The following PPP1R26 variants were observed in gnomAD, a reference collection of about 807,000 sequenced individuals.
PPP1R26 encodes protein phosphatase 1 regulatory subunit 26.
Under a neutral mutation model 67.6 loss-of-function variants are expected in PPP1R26, and 22 were observed. The observed-to-expected ratio is 0.33, with a 90% CI of 0.23 to 0.46. The LOEUF (loss-of-function observed/expected upper bound fraction) is 0.46. Among genes scored for constraint, PPP1R26 ranks in the 20% least tolerant of loss-of-function variants. The pLI, the probability that PPP1R26 is intolerant of heterozygous loss-of-function variation, is 1.00. For synonymous variants in PPP1R26, 729 were observed against 717.2 expected, an observed-to-expected ratio of 1.02 and a Z score of -0.26; for missense variants, 1,602 against 1,651.4, an observed-to-expected ratio of 0.97 and a Z score of 0.52.
At position 135,486,477 on chromosome 9, in the gene PPP1R26, C is replaced by T. The variant is rs1830735873; in HGVS notation, c.1967C>T (p.Pro656Leu). The T allele has an allele frequency of 1.2e-6, 2 of 1,612,980 alleles. No individual in the cohort carries two copies. Among genetic ancestry groups the T allele is most frequent in the Non-Finnish European group, 1.7e-6 (2 of 1,179,880 alleles). ...ALGGEGTARGPGDTRMSQGQG... is the reference protein window; with the variant it reads ...ALGGEGTARGLGDTRMSQGQG... ...GGAGGGGAGGGCACCGCCAGGGGCC[C>T]TGGCGACACTCGCATGTCACAGGGC... Residue 656 changes from proline (P) to leucine (L), a missense_variant, in exon 4 of 4, where the codon CCT becomes CTT. By Grantham distance (98) the Pro-to-Leu change is moderately conservative. Transcript: ENST00000356818. This position sits in a 1 kb window ranked among gnomAD's most constrained non-coding sequence, Gnocchi z 6.2.
At chr9:135,479,146 C>G (rs1315220856), upstream of PPP1R26, 1 of 152,226 alleles carries the variant, frequency 6.6e-6, no homozygotes, top group Non-Finnish European at 1.5e-5. The surrounding 1 kb of genome is among the most constrained non-coding windows in gnomAD (Gnocchi z 5.9). Context: ...TTCCCTCCCC[C>G]GAACCTGGCG....
chr9:135,479,405 C>T (rs973071759), upstream of PPP1R26, among the ~76,000 whole-genome samples: 4 of 151,662 alleles, frequency 2.6e-5, no homozygotes, highest in Admixed American at 2.6e-4. The surrounding 1 kb of genome is among the most constrained non-coding windows in gnomAD (Gnocchi z 5.9). Context: ...ACGGCCACGC[C>T]CCCCGCGCCC....
Position 135,486,051 on chromosome 9 carries a change from C to T in PPP1R26, c.1541C>T (p.Ser514Phe), listed in dbSNP as rs1397390108. 6.2e-7 allele frequency: 1 copy of T among 1,613,220 alleles called. No homozygotes were observed. The highest frequency in any genetic ancestry group is 8.5e-7 in the Non-Finnish European group (1 of 1,180,040). Residue 514 changes from serine to phenylalanine, a missense_variant, in exon 4 of 4, where the codon TCC becomes TTC. Transcript: ENST00000356818. The surrounding 1 kb of genome is among the most constrained non-coding windows in gnomAD (Gnocchi z 6.2). ...GSLSASPLFYSPNVPSRSDGD... is the reference protein window; with the variant it reads ...GSLSASPLFYFPNVPSRSDGD... ...CTGTCCGCAAGCCCACTCTTCTACT[C>T]CCCGAACGTGCCTTCCCGCTCTGAC...
At position 135,485,398 on chromosome 9, in the gene PPP1R26, G is replaced by A. The variant is rs548732620; in HGVS notation, c.888G>A (p.Ala296=). ...CCTTCCGCAAACCTCCCCGGTTAGCGAAGATGAACGTCCAGCCCAGAAGCC... is the reference window on the plus strand; with the variant it reads ...CCTTCCGCAAACCTCCCCGGTTAGCAAAGATGAACGTCCAGCCCAGAAGCC... ...EFAFRKPPRL[A]KMNVQPRSLR... Residue 296 remains alanine (A), a synonymous_variant, in exon 4 of 4, where the codon GCG becomes GCA. Transcript: ENST00000356818. This position sits in a 1 kb window ranked among gnomAD's most constrained non-coding sequence, Gnocchi z 7.2. 98 of 1,612,876 alleles carry A rather than the reference G, an allele frequency of 6.1e-5. No homozygotes were observed. In the East Asian group the frequency reaches 2.0e-3, roughly 32 times the overall value.
rs776270747 is a variant in PPP1R26 at position 135,486,391 on chromosome 9, A to T, written c.1881A>T (p.Arg627Ser). The change falls in exon 4 of 4, where the codon AGA becomes AGT. Residue 627 changes from arginine to serine, a missense_variant. Around this residue, in one of 5 missense-constraint regions of PPP1R26, gnomAD observed 680 missense variants for 726.1 expected, o/e 0.94. Transcript: ENST00000356818. This position sits in a 1 kb window ranked among gnomAD's most constrained non-coding sequence, Gnocchi z 6.2. ...GSQDADHSQG[R>S]AEPGHERRDL... is the part of the protein sequence containing the mutation. ...AGGATGCCGACCACAGCCAGGGGAG[A>T]GCTGAGCCCGGCCATGAGAGGCGAG... is the stretch of plus-strand genomic sequence containing the variant. The T allele has an allele frequency of 3.7e-6, 6 of 1,612,974 alleles. No homozygotes were observed. The highest frequency in any genetic ancestry group is 5.1e-6 in the Non-Finnish European group (6 of 1,179,916).
rs1247080619 is a variant in PPP1R26, at chr9:135,486,830, G to A, written c.2320G>A (p.Gly774Ser). 2 of 1,610,200 alleles carry A rather than the reference G, an allele frequency of 1.2e-6. No homozygotes were observed. The highest frequency in any genetic ancestry group is 1.3e-5 in the African/African-American group (1 of 74,874). ...TGGGAAGAAACCCCCCAGTGTCTTT[G>A]GCAGCACGGCAGAGAGGATGAGGCA... ...GPGKKPPSVF[G>S]STAERMRQEG... Residue 774 changes from glycine to serine, a missense_variant, in exon 4 of 4, where the codon GGC becomes AGC. Around this residue, in one of 5 missense-constraint regions of PPP1R26, gnomAD observed 740 missense variants for 696.3 expected, o/e 1.06. Coordinates refer to ENST00000356818, the MANE Select transcript of PPP1R26 (RefSeq NM_014811.5). The surrounding 1 kb of genome is among the most constrained non-coding windows in gnomAD (Gnocchi z 6.2).
In PPP1R26 at chr9:135,487,798, G is replaced by A; in HGVS notation, c.3288G>A (p.Gly1096=). 4 of 1,576,328 alleles carry A rather than the reference G, an allele frequency of 2.5e-6. No homozygotes were observed. The highest frequency in any genetic ancestry group is 3.4e-6 in the Non-Finnish European group (4 of 1,165,206). Residue 1096 remains glycine (G), a synonymous_variant, in exon 4 of 4, where the codon GGG becomes GGA. Transcript: ENST00000356818. ...ACTTTGGAAAGGGTGTCTCCTGGGG[G>A]GGCAGGCAGGCTGGCCTCTTCAGCC... is the stretch of plus-strand genomic sequence containing the variant. ...LFHFGKGVSW[G]GRQAGLFSPH...
chr9:135,487,631 G>T lies in PPP1R26; in HGVS notation c.3121G>T (p.Val1041Leu). 1 of 1,480,956 alleles carries T rather than the reference G, an allele frequency of 6.8e-7. No individual in the cohort carries two copies. The allele number at this position is 1,480,956 out of a possible 1,614,324, so 91.7% of individuals were successfully genotyped here. A position where few individuals can be genotyped will look rare whatever the true frequency, so the allele number is the denominator to read the frequency against. ...CCAGAGTCGGCTGCCCAGCCCGTGG[G>T]TGCTGCGCTCCGAAGGCAGAGATGC... is the stretch of plus-strand genomic sequence containing the variant. ...AHQSRLPSPW[V>L]LRSEGRDAVW... Residue 1041 changes from valine to leucine, a missense_variant, in exon 4 of 4, where the codon GTG (valine) becomes TTG (leucine). Around this residue, in one of 5 missense-constraint regions of PPP1R26, gnomAD observed 740 missense variants for 696.3 expected, o/e 1.06. Coordinates refer to ENST00000356818, the MANE Select transcript of PPP1R26 (RefSeq NM_014811.5).
Position 135,487,344 on chromosome 9 carries a change from G to T in PPP1R26, c.2834G>T (p.Gly945Val). 1 of 1,553,224 alleles carries T rather than the reference G, an allele frequency of 6.4e-7. No homozygotes were observed. Among genetic ancestry groups the T allele is most frequent in the East Asian group, 2.3e-5 (1 of 44,396 alleles). Residue 945 changes from glycine (G) to valine (V), a missense_variant, in exon 4 of 4, where the codon GGT becomes GTT. Transcript: ENST00000356818. Reference protein sequence around the residue: ...DPVPPRSTSGGVSAKGLSVSR... With the variant: ...DPVPPRSTSGVVSAKGLSVSR... ...GTGCCGCCCAGGAGCACCAGCGGCG[G>T]TGTCTCCGCCAAGGGGCTCTCAGTG...
chr9:135,486,644 A>C lies in PPP1R26; in HGVS notation c.2134A>C (p.Arg712=). The part of the protein sequence containing the change: ...RSKRKLKKRC[R]EPRAACRKKV... The stretch of plus-strand genomic sequence containing the variant: ...CAAGCGAAAGCTCAAGAAGAGGTGC[A>C]GGGAGCCCAGGGCTGCGTGCAGGAA... Residue 712 remains arginine, a synonymous_variant, in exon 4 of 4, where the codon AGG becomes CGG. Transcript: ENST00000356818. This position sits in a 1 kb window ranked among gnomAD's most constrained non-coding sequence, Gnocchi z 6.2. 1 of 1,611,414 alleles carries C rather than the reference A, an allele frequency of 6.2e-7. No individual in the cohort carries two copies. Among genetic ancestry groups the C allele is most frequent in the Non-Finnish European group, 8.5e-7 (1 of 1,179,456 alleles).
rs1335504524 is a variant in PPP1R26 at position 135,487,634 on chromosome 9, C to T, written c.3124C>T (p.Leu1042=). ...GAGTCGGCTGCCCAGCCCGTGGGTG[C>T]TGCGCTCCGAAGGCAGAGATGCAGT... is the stretch of plus-strand genomic sequence containing the variant. The part of the protein sequence containing the change: ...HQSRLPSPWV[L]RSEGRDAVWR... The change falls in exon 4 of 4, where the codon CTG becomes TTG. Residue 1042 remains leucine, a synonymous_variant. Transcript: ENST00000356818. 1 of 1,479,616 alleles carries T rather than the reference C, an allele frequency of 6.8e-7. No individual in the cohort carries two copies. The highest frequency in any genetic ancestry group is 2.5e-5 in the Admixed American group (1 of 40,338). 91.7% of individuals were successfully genotyped at this position (1,479,616 alleles called of 1,614,324 possible). A position where few individuals can be genotyped will look rare whatever the true frequency, so the allele number is the denominator to read the frequency against.
At chr9:135,479,428 C>T (rs1431545702), upstream of PPP1R26, among the ~76,000 whole-genome samples, 2 of 151,304 alleles carry the variant, frequency 1.3e-5, no homozygotes, top group East Asian at 3.9e-4. The surrounding 1 kb of genome is among the most constrained non-coding windows in gnomAD (Gnocchi z 5.9). Flanking sequence ...AACTTCCCGG[C>T]GACCCCGCGC....
rs1159690554 is a variant in PPP1R26, at chr9:135,485,467, G to A, written c.957G>A (p.Thr319=). 22 of 1,612,910 alleles carry A rather than the reference G, an allele frequency of 1.4e-5. No individual in the cohort carries two copies. The highest frequency in any genetic ancestry group is 1.7e-5 in the Non-Finnish European group (20 of 1,179,992). ...CCACGCAGGAGAACGAGGGCAGCAC[G>A]AAGCCGGCAACCCCCTGCCGCCCTT... is the stretch of plus-strand genomic sequence containing the variant. The part of the protein sequence containing the change: ...VTTTQENEGS[T]KPATPCRPSE... Residue 319 remains threonine, a synonymous_variant, in exon 4 of 4, where the codon ACG becomes ACA. Transcript: ENST00000356818. This position sits in a 1 kb window ranked among gnomAD's most constrained non-coding sequence, Gnocchi z 7.2.
rs777713688 is a variant in PPP1R26, at chr9:135,486,187, G to A, written c.1677G>A (p.Pro559=). 2.8e-5 allele frequency: 45 copies of A among 1,612,842 alleles called. No homozygotes were observed. The East Asian group carries it at 3.8e-4, about 14-fold the overall frequency. ...GSLLARGESC[P]QAAQGPLLPP... is the part of the protein sequence containing the mutation. ...TGCTGGCCAGAGGTGAGAGCTGCCC[G>A]CAGGCTGCCCAGGGTCCACTTTTGC... The change falls in exon 4 of 4, where the codon CCG becomes CCA. Residue 559 remains proline (P), a synonymous_variant. Coordinates refer to ENST00000356818, the MANE Select transcript of PPP1R26 (RefSeq NM_014811.5). This position sits in a 1 kb window ranked among gnomAD's most constrained non-coding sequence, Gnocchi z 6.2.
intron 2 of PPP1R26, 134 bp downstream of exon 2, chr9:135,482,949 GGT>G (rs1830569084): frequency 2.6e-6 from 1 of 388,530 alleles, no homozygotes; most frequent in Non-Finnish European, 4.5e-6. Flanking sequence ...CCTGTGTGTA[GGT>G]GGCCAGGCTC....
rs1464902677 is a variant in PPP1R26 at position 135,486,243 on chromosome 9, A to G, written c.1733A>G (p.His578Arg). ...PPGLNSQTGG[H>R]KTPLSKTPDP... Reference sequence around the variant, plus strand: ...GGCCTCAACAGCCAGACCGGCGGCCACAAGACCCCTCTCTCTAAAACACCA... The same window carrying G: ...GGCCTCAACAGCCAGACCGGCGGCCGCAAGACCCCTCTCTCTAAAACACCA... Residue 578 changes from histidine to arginine, a missense_variant, in exon 4 of 4, where the codon CAC becomes CGC. Physicochemically the swap from His to Arg is conservative, Grantham distance 29 (BLOSUM62 0). Coordinates refer to ENST00000356818, the MANE Select transcript of PPP1R26 (RefSeq NM_014811.5). This position sits in a 1 kb window ranked among gnomAD's most constrained non-coding sequence, Gnocchi z 6.2. 1 of 1,612,958 alleles carries G rather than the reference A, an allele frequency of 6.2e-7. No homozygotes were observed. Among genetic ancestry groups the G allele is most frequent in the South Asian group, 1.1e-5 (1 of 91,084 alleles).
Position 135,488,010 on chromosome 9 carries a change from T to G in PPP1R26, c.3500T>G (p.Ile1167Ser), listed in dbSNP as rs1830827848. 1 of 1,611,554 alleles carries G rather than the reference T, an allele frequency of 6.2e-7. No individual in the cohort carries two copies. The highest frequency in any genetic ancestry group is 8.5e-7 in the Non-Finnish European group (1 of 1,179,106). Residue 1167 changes from isoleucine (I) to serine (S), a missense_variant, in exon 4 of 4, where the codon ATT becomes AGT. Physicochemically the swap from Ile to Ser is moderately radical, Grantham distance 142 (BLOSUM62 -2). Transcript: ENST00000356818. ...AGGAGCTCGGGCTCGGAGGAAAGCA[T>G]TTTAGACCTGAGGTATCGACGAAGG... is the stretch of plus-strand genomic sequence containing the variant. ...DRRSSGSEESILDLRYRRRVN... is the reference protein window; with the variant it reads ...DRRSSGSEESSLDLRYRRRVN...
Position 135,486,550 on chromosome 9 carries a change from T to C in PPP1R26, c.2040T>C (p.Ser680=), listed in dbSNP as rs2119303844. 1.2e-6 allele frequency: 2 copies of C among 1,612,206 alleles called. No homozygotes were observed. Among genetic ancestry groups the C allele is most frequent in the South Asian group, 2.2e-5 (2 of 91,014 alleles). The part of the protein sequence containing the change: ...EARRLDEKES[S]EDKSSSLDSD... ...GGCGCCTAGACGAGAAAGAGAGCTC[T>C]GAAGACAAAAGCAGCTCCCTGGACA... Residue 680 remains serine (S), a synonymous_variant, in exon 4 of 4, where the codon TCT becomes TCC. Coordinates refer to ENST00000356818, the MANE Select transcript of PPP1R26 (RefSeq NM_014811.5). The surrounding 1 kb of genome is among the most constrained non-coding windows in gnomAD (Gnocchi z 6.2).
rs1830730647 is a variant in PPP1R26 at position 135,486,335 on chromosome 9, A to G, written c.1825A>G (p.Lys609Glu). Residue 609 changes from lysine (K) to glutamate (E), a missense_variant, in exon 4 of 4, where the codon AAA (lysine) becomes GAA (glutamate). Transcript: ENST00000356818. This position sits in a 1 kb window ranked among gnomAD's most constrained non-coding sequence, Gnocchi z 6.2. ...GGHVRPSTPK[K>E]MQEVVKDGSQ... Reference sequence around the variant, plus strand: ...CCATGTGAGGCCATCCACGCCCAAGAAAATGCAGGAGGTGGTGAAAGACGG... The same window carrying G: ...CCATGTGAGGCCATCCACGCCCAAGGAAATGCAGGAGGTGGTGAAAGACGG... 1 of 1,612,958 alleles carries G rather than the reference A, an allele frequency of 6.2e-7. No individual in the cohort carries two copies. The highest frequency in any genetic ancestry group is 8.5e-7 in the Non-Finnish European group (1 of 1,179,996).
Sources: allele counts gnomAD v4.1 joint callset (sites outside exome capture counted in the v4.1 genomes callset), GRCh38; gene constraint gnomAD v4.1.1; regional missense constraint gnomAD v4.1.1; non-coding constraint Gnocchi (gnomAD v3.1); transcripts MANE v1.5; gene names NCBI Gene and HGNC (gene_info 2026-07-23, HGNC 2026-07-21).